Variants in CSMD1 observed in about 807,000 individuals in gnomAD.
CSMD1 encodes the protein CUB and sushi domain-containing protein 1.
A neutral mutation model predicts 417.5 loss-of-function variants in CSMD1; 213 were observed. That is an observed-to-expected ratio of 0.51 (90% CI 0.46 to 0.57). CSMD1 has a LOEUF of 0.57. Among genes scored for constraint, CSMD1 ranks in the 20% least tolerant of loss-of-function variants. The probability of loss-of-function intolerance (pLI) is 0.00; values close to 1 mark genes in which losing one functional copy is unlikely to be tolerated. For synonymous variants in CSMD1, 2,862 were observed against 1,736.8 expected (o/e 1.65, Z -16.11); for missense variants, 6,923 against 4,529.7 (o/e 1.53, Z -15.17).
Position 2,974,549 on chromosome 8 carries a change from A to G in CSMD1, c.8642T>C (p.Val2881Ala), listed in dbSNP as rs1804755910. ...CTCGCTCCCTCTGCAGGAGTAGTGC[A>G]CGACGGCGCCATAGGTAAACAGCTC... Reference protein sequence around the residue: ...TGELFTYGAVVHYSCRGSESL... With the variant: ...TGELFTYGAVAHYSCRGSESL... The change falls in exon 56 of 70, where the codon GTG (valine) becomes GCG (alanine). Residue 2881 changes from valine to alanine, a missense_variant. Transcript: ENST00000635120. The G allele has an allele frequency of 6.2e-7, 1 of 1,613,420 alleles. No homozygotes were observed. Among genetic ancestry groups the G allele is most frequent in the Non-Finnish European group, 8.5e-7 (1 of 1,179,650 alleles).
At chr8:2,951,748 G>A (rs1407207726) in intron 65 of CSMD1, among the ~76,000 whole-genome samples, 2 of 152,156 alleles carry the variant, frequency 1.3e-5, no homozygotes, top group Non-Finnish European at 2.9e-5. Context: ...TCTCGAAAAA[G>A]CTTACATATC....
intron 3 of CSMD1, among the ~76,000 whole-genome samples, chr8:4,370,584 T>C (rs958587340): frequency 6.6e-6 from 1 of 152,206 alleles, no homozygotes; most frequent in African/African-American, 2.4e-5. Flanking sequence ...TGAGTTGTGT[T>C]TGGTCTCTTT....
At chr8:4,471,379 A>G (rs1057176364) in intron 2 of CSMD1, among the ~76,000 whole-genome samples, 2 of 152,138 alleles carry the variant, frequency 1.3e-5, no homozygotes, top group Non-Finnish European at 2.9e-5. Context: ...GACTATTTCT[A>G]ATTTACTATT....
chr8:3,827,197 C>A (rs184285928), intron 5 of CSMD1, among the ~76,000 whole-genome samples: 1 of 152,140 alleles, frequency 6.6e-6, no homozygotes, highest in Non-Finnish European at 1.5e-5. Context: ...CATATTCTCC[C>A]AAAGAGTAGG....
At chr8:3,667,211 A>G (rs1337902998) in intron 7 of CSMD1, among the ~76,000 whole-genome samples, 1 of 152,208 alleles carries the variant, frequency 6.6e-6, no homozygotes, top group Non-Finnish European at 1.5e-5. Context: ...ATAAACATTT[A>G]CACATTATAT....
intron 3 of CSMD1, among the ~76,000 whole-genome samples, chr8:4,322,197 A>C (rs750432816): frequency 6.6e-6 from 1 of 152,156 alleles, no homozygotes; most frequent in Admixed American, 6.5e-5. Context: ...ATTTCCTTTC[A>C]CTCTATGGTT....
intron 4 of CSMD1, among the ~76,000 whole-genome samples, chr8:4,024,997 A>G (rs1796988917): frequency 6.6e-6 from 1 of 152,218 alleles, no homozygotes; most frequent in African/African-American, 2.4e-5. Flanking sequence ...GTGGGTTTAA[A>G]CGGCCTGATG....
intron 5 of CSMD1, among the ~76,000 whole-genome samples, chr8:3,788,128 T>C (rs562772703): frequency 1.3e-5 from 2 of 152,210 alleles, no homozygotes; most frequent in Admixed American, 1.3e-4. Context: ...CTTTAAAATA[T>C]TCTCAGGACT....
At chr8:3,643,700 C>CAAAAAAAAAAAAAAAA (rs66500235) in intron 7 of CSMD1, among the ~76,000 whole-genome samples, 72 of 85,332 alleles carry the variant, frequency 8.4e-4, no homozygotes, top group African/African-American at 3.2e-3. Context: ...GACTCCGTCT[C>CAAAAAAAAAAAAAAAA]AAAAAAAAAA....
chr8:3,756,464 AACTACAAAC>A lies in CSMD1; in HGVS notation c.819-2431_819-2423del, dbSNP rs1444849530. On this transcript the variant is annotated intron_variant, in intron 5 of 69. Coordinates refer to ENST00000635120, the MANE Select transcript of CSMD1 (RefSeq NM_033225.6). ...TAAATTCAAACATAGAAAATTTAAA[AACTACAAAC>A]ACATAGATATACACTGAAATTAAGC... Among the ~76,000 whole-genome samples, 4 of 152,332 alleles carry A rather than the reference AACTACAAAC, an allele frequency of 2.6e-5. No homozygotes were observed. In the East Asian group the frequency reaches 7.7e-4, roughly 29 times the overall value.
intron 11 of CSMD1, among the ~76,000 whole-genome samples, chr8:3,470,664 C>A (rs1729700262): frequency 6.6e-6 from 1 of 152,156 alleles, no homozygotes; most frequent in African/African-American, 2.4e-5. Context: ...TAAAATCACA[C>A]TCATGCCCCT....
At chr8:3,450,753 T>C (rs1010119159) in intron 12 of CSMD1, among the ~76,000 whole-genome samples, 2 of 152,062 alleles carry the variant, frequency 1.3e-5, no homozygotes, top group Non-Finnish European at 2.9e-5. Flanking sequence ...TTTGCTATTG[T>C]GAATAGTGCC....
chr8:3,791,057 T>A (rs1053301754), intron 5 of CSMD1, among the ~76,000 whole-genome samples: 2 of 152,236 alleles, frequency 1.3e-5, no homozygotes, highest in African/African-American at 4.8e-5. Context: ...TAATATGATT[T>A]ATGGCTACTT....
intron 16 of CSMD1, 32 bp from the exon 17 acceptor site, chr8:3,396,413 A>T (rs772184308): frequency 1.4e-6 from 2 of 1,476,752 alleles, no homozygotes; most frequent in Non-Finnish European, 1.8e-6. Flanking sequence ...CAGAAAAGAC[A>T]TGCAGAACTG....
chr8:3,864,024 G>T (rs1391316254), intron 5 of CSMD1, among the ~76,000 whole-genome samples: 1 of 152,018 alleles, frequency 6.6e-6, no homozygotes, highest in Non-Finnish European at 1.5e-5. Flanking sequence ...ACAGTAAACA[G>T]GTTTGCAAAT....
At chr8:4,866,428 G>C (rs963362947) in intron 1 of CSMD1, among the ~76,000 whole-genome samples, 2 of 151,868 alleles carry the variant, frequency 1.3e-5, no homozygotes, top group East Asian at 1.9e-4. Flanking sequence ...AGATAATCTT[G>C]ATAAAAGAAG....
intron 25 of CSMD1, among the ~76,000 whole-genome samples, chr8:3,306,767 T>G: frequency 6.6e-6 from 1 of 152,128 alleles, no homozygotes. Context: ...ATTTTAAAAT[T>G]ACCTTTTGCC....
intron 1 of CSMD1, among the ~76,000 whole-genome samples, chr8:4,760,266 G>A (rs981305809): frequency 2.0e-5 from 3 of 152,158 alleles, no homozygotes; most frequent in Non-Finnish European, 4.4e-5. Flanking sequence ...AAAAAGGAAT[G>A]CAAATATACC....
Position 3,802,912 on chromosome 8 carries a change from G to A in CSMD1, c.819-48870C>T, listed in dbSNP as rs554034439. On this transcript the variant is annotated intron_variant, in intron 5 of 69. Coordinates refer to ENST00000635120, the MANE Select transcript of CSMD1 (RefSeq NM_033225.6). Reference sequence around the variant, plus strand: ...AGTTTGATTTGACAAAGGAAAACAGGAATTTTGAAAGAACCTACAAAAGAA... The same window carrying A: ...AGTTTGATTTGACAAAGGAAAACAGAAATTTTGAAAGAACCTACAAAAGAA... Among the ~76,000 whole-genome samples, 43 of 152,184 alleles carry A rather than the reference G, an allele frequency of 2.8e-4. 2 individuals carry two copies. In the South Asian group the frequency reaches 7.5e-3, roughly 26 times the overall value.
Sources: gnomAD v4.1 joint callset for allele counts (sites outside exome capture counted in the v4.1 genomes callset) on GRCh38, gnomAD v4.1.1 for gene constraint, MANE v1.5 for transcripts, NCBI Gene and HGNC (gene_info 2026-07-23, HGNC 2026-07-21) for gene names.